The following SLC39A11 variants were observed in gnomAD, a reference collection of about 807,000 sequenced individuals.
SLC39A11 encodes the protein zinc transporter ZIP11.
SLC39A11 carries 33 observed loss-of-function variants against 36.1 expected under a neutral mutation model. That is an observed-to-expected ratio of 0.91 (90% confidence interval 0.69 to 1.22). The LOEUF (loss-of-function observed/expected upper bound fraction) is 1.22, where lower values mean the gene tolerates loss of function less well. Among genes scored for constraint, SLC39A11 ranks in the 50% most tolerant of loss-of-function variants. The pLI is 0.00. For synonymous variants in SLC39A11, 166 were observed against 170.3 expected (o/e 0.97, Z 0.20); for missense variants, 432 against 430.3 (o/e 1.00, Z -0.03).
At chr17:72,867,756 GCGCGCACA>G (rs748496167) in intron 5 of SLC39A11, among the ~76,000 whole-genome samples, 5 of 79,044 alleles carry the variant, frequency 6.3e-5, no homozygotes, top group African/African-American at 3.3e-4. Context: ...AATGAAGTGC[GCGCGCACA>G]CACACACACA....
chr17:72,910,973 A>C (rs2147106578), intron 5 of SLC39A11, among the ~76,000 whole-genome samples: 1 of 151,872 alleles, frequency 6.6e-6, no homozygotes, highest in Admixed American at 6.6e-5. Context: ...TCAGAATAAT[A>C]CCAACCATAG....
intron 6 of SLC39A11, among the ~76,000 whole-genome samples, chr17:72,772,011 C>T (rs554462922): frequency 3.9e-5 from 6 of 152,294 alleles, no homozygotes; most frequent in Non-Finnish European, 8.8e-5. Context: ...GTCACTTCTG[C>T]TGCCTCCCTT....
intron 4 of SLC39A11, among the ~76,000 whole-genome samples, chr17:73,024,452 T>C (rs549843243): frequency 2.6e-5 from 4 of 152,366 alleles, no homozygotes; most frequent in Non-Finnish European, 5.9e-5. Flanking sequence ...CTGCTGAAGT[T>C]TGTCCTTTTT....
intron 7 of SLC39A11, among the ~76,000 whole-genome samples, chr17:72,657,291 C>A (rs1015417303): frequency 3.3e-5 from 5 of 152,116 alleles, no homozygotes; most frequent in Non-Finnish European, 5.9e-5. Flanking sequence ...ACCCGGGAGG[C>A]AGAGGTTACA....
At chr17:72,773,065 G>A (rs962957746) in intron 6 of SLC39A11, among the ~76,000 whole-genome samples, 5 of 152,122 alleles carry the variant, frequency 3.3e-5, no homozygotes, top group African/African-American at 4.8e-5. Flanking sequence ...TATCTTGGGC[G>A]ACAAGAGTGA....
At chr17:72,965,044 T>A (rs952118488) in intron 4 of SLC39A11, among the ~76,000 whole-genome samples, 1 of 151,652 alleles carries the variant, frequency 6.6e-6, no homozygotes, top group African/African-American at 2.4e-5. Context: ...TAGGTGCGAA[T>A]TGAACAATGA....
At chr17:72,908,588 C>T (rs1033782333) in intron 5 of SLC39A11, among the ~76,000 whole-genome samples, 1 of 152,170 alleles carries the variant, frequency 6.6e-6, no homozygotes, top group Admixed American at 6.5e-5. Context: ...GCCATCGAGG[C>T]GGATGGGTTT....
chr17:72,834,653 A>AAATAAAAT (rs2078442302), intron 6 of SLC39A11, among the ~76,000 whole-genome samples: 1 of 152,000 alleles, frequency 6.6e-6, no homozygotes, highest in South Asian at 2.1e-4. Context: ...AAATAAAATA[A>AAATAAAAT]AATAAAATAA....
intron 6 of SLC39A11, among the ~76,000 whole-genome samples, chr17:72,750,147 A>G (rs2075098663): frequency 6.6e-6 from 1 of 152,182 alleles, no homozygotes; most frequent in South Asian, 2.1e-4. Context: ...GGGAGCCAAG[A>G]GAGTCACCCT....
At chr17:72,903,272 A>G (rs893386578) in intron 5 of SLC39A11, among the ~76,000 whole-genome samples, 5 of 23,142 alleles carry the variant, frequency 2.2e-4, no homozygotes, top group Non-Finnish European at 3.2e-4. Flanking sequence ...TCTCGAAAAG[A>G]AAAAAAAAAA....
intron 7 of SLC39A11, among the ~76,000 whole-genome samples, chr17:72,664,935 G>A (rs936986493): frequency 1.3e-5 from 2 of 152,192 alleles, no homozygotes; most frequent in East Asian, 3.8e-4. Flanking sequence ...CAGAATGCCT[G>A]GTTACTTCTA....
chr17:72,824,970 A>G (rs2077953597), intron 6 of SLC39A11, among the ~76,000 whole-genome samples: 1 of 151,426 alleles, frequency 6.6e-6, no homozygotes, highest in African/African-American at 2.4e-5. Context: ...CTGACCATGC[A>G]GTAGAAAAGA....
chr17:72,936,165 T>C (rs1567982037), intron 5 of SLC39A11, among the ~76,000 whole-genome samples: 1 of 151,946 alleles, frequency 6.6e-6, no homozygotes, highest in African/African-American at 2.4e-5. Context: ...GTCACTGCAT[T>C]CCAGCCTGGG....
intron 5 of SLC39A11, 36 bp from the exon 6 acceptor site, chr17:72,849,840 GAC>G: frequency 2.0e-6 from 3 of 1,499,650 alleles, no homozygotes; most frequent in Non-Finnish European, 2.7e-6. Flanking sequence ...GATGGGGAAA[GAC>G]AGCGCTTTGA....
At chr17:72,769,670 G>T (rs556074472) in intron 6 of SLC39A11, among the ~76,000 whole-genome samples, 1 of 151,772 alleles carries the variant, frequency 6.6e-6, no homozygotes, top group Admixed American at 6.6e-5. Context: ...TCAGCCTCCC[G>T]ATTAGCTGCG....
chr17:72,695,666 T>C (rs1391378203), intron 7 of SLC39A11, among the ~76,000 whole-genome samples: 1 of 152,072 alleles, frequency 6.6e-6, no homozygotes, highest in Non-Finnish European at 1.5e-5. Context: ...AGAGATAAGA[T>C]CATTCTAGAT....
At chr17:72,907,434 G>A (rs2082714452) in intron 5 of SLC39A11, among the ~76,000 whole-genome samples, 2 of 152,180 alleles carry the variant, frequency 1.3e-5, no homozygotes, top group Admixed American at 6.5e-5. Flanking sequence ...AGATTGCAGT[G>A]AGCCGATATC....
intron 7 of SLC39A11, among the ~76,000 whole-genome samples, chr17:72,715,594 AC>A (rs2073324998): frequency 6.6e-6 from 1 of 152,252 alleles, no homozygotes; most frequent in East Asian, 1.9e-4. Flanking sequence ...TAGAGGAGTC[AC>A]ATTCATAGAG....
chr17:72,729,292 A>G (rs1048995792), intron 7 of SLC39A11, among the ~76,000 whole-genome samples: 1 of 147,036 alleles, frequency 6.8e-6, no homozygotes, highest in Non-Finnish European at 1.5e-5. Context: ...GATGGAGTGC[A>G]GTGGCACGAT....
Sources: gnomAD v4.1 joint callset for allele counts (sites outside exome capture counted in the v4.1 genomes callset) on GRCh38, gnomAD v4.1.1 for gene constraint, MANE v1.5 for transcripts, NCBI Gene and HGNC (gene_info 2026-07-23, HGNC 2026-07-21) for gene names.